DOCK9: variants seen among roughly 807,000 people sequenced by gnomAD.
DOCK9 encodes dedicator of cytokinesis 9.
Under a neutral mutation model 263.3 loss-of-function variants are expected in DOCK9, and 89 were observed. The observed-to-expected ratio is 0.34, with a 90% CI of 0.28 to 0.40. DOCK9 has a LOEUF of 0.40. Ranked by LOEUF, DOCK9 falls within the 10% of genes least tolerant of loss-of-function variation. The pLI, the probability that DOCK9 is intolerant of heterozygous loss-of-function variation, is 1.00. For missense variants in DOCK9, 2,140 were observed against 2,603.4 expected (o/e 0.82, Z 3.87); for synonymous variants, 976 against 973.1 (o/e 1.00, Z -0.06).
chr13:99,022,745 C>G (rs183561661), intron 1 of DOCK9, among the ~76,000 whole-genome samples: 1 of 152,160 alleles, frequency 6.6e-6, no homozygotes, highest in African/African-American at 2.4e-5. Flanking sequence ...GAGTTCAAGA[C>G]CAGCCTGAGC....
chr13:99,072,054 T>C (rs974099954), intron 1 of DOCK9, among the ~76,000 whole-genome samples: 2 of 152,250 alleles, frequency 1.3e-5, no homozygotes, highest in African/African-American at 2.4e-5. Context: ...TTTTTTGCTA[T>C]ATCCACAATC....
intron 41 of DOCK9, among the ~76,000 whole-genome samples, chr13:98,831,056 T>C (rs952738593): frequency 6.6e-6 from 1 of 152,230 alleles, no homozygotes; most frequent in Non-Finnish European, 1.5e-5. Flanking sequence ...AAATGTTTAC[T>C]ATTAAGCATC....
chr13:98,952,289 G>A (rs2057527041), intron 2 of DOCK9, among the ~76,000 whole-genome samples: 1 of 151,982 alleles, frequency 6.6e-6, no homozygotes, highest in Non-Finnish European at 1.5e-5. Context: ...AGGCTGGAAT[G>A]CAGTGGCACG....
chr13:98,971,846 A>G (rs1253044677), intron 1 of DOCK9, among the ~76,000 whole-genome samples: 2 of 152,208 alleles, frequency 1.3e-5, no homozygotes, highest in African/African-American at 4.8e-5. Context: ...CGGCAGCTCT[A>G]TTTCATTCAT....
intron 2 of DOCK9, among the ~76,000 whole-genome samples, chr13:98,938,626 A>C (rs1595486405): frequency 6.6e-6 from 1 of 152,354 alleles, no homozygotes; most frequent in East Asian, 1.9e-4. Flanking sequence ...GGGAAGATTC[A>C]CTATGTAGAT....
chr13:99,084,585 C>T (rs1385951901), intron 1 of DOCK9, among the ~76,000 whole-genome samples: 1 of 152,196 alleles, frequency 6.6e-6, no homozygotes, highest in Non-Finnish European at 1.5e-5. Flanking sequence ...GGCCATCCTC[C>T]GATGGGAAGG....
Position 98,996,764 on chromosome 13 carries a change from G to A in DOCK9, c.130-41213C>T, listed in dbSNP as rs188158913. Among the ~76,000 whole-genome samples, 11 of 152,294 alleles carry A rather than the reference G, an allele frequency of 7.2e-5. No homozygotes were observed. In the East Asian group the frequency reaches 2.1e-3, roughly 29 times the overall value. On this transcript the variant is annotated intron_variant, in intron 1 of 32. Coordinates refer to the DOCK9 transcript ENST00000427887. ...GGACAATTCTTCTTCTTCCAGTGTG[G>A]CCCAGGGAAGCCAAAAGATTGGGCA...
rs767796130 is a variant in DOCK9 at position 98,845,904 on chromosome 13, T to C, written c.4198+20A>G. 2 of 1,611,962 alleles carry C rather than the reference T, an allele frequency of 1.2e-6. No homozygotes were observed. The highest frequency in any genetic ancestry group is 1.1e-5 in the South Asian group (1 of 90,490). ...CACATGAGATGGCTGGCTGTTACGA[T>C]GGCATGTCATGGGACTTACTGTGGT... On this transcript the variant is annotated intron_variant, in intron 38 of 52. Coordinates refer to ENST00000682017, the MANE Select transcript of DOCK9 (RefSeq NM_001366683.2).
Position 98,829,298 on chromosome 13 carries a change from G to T in DOCK9, c.4965+9C>A. ...AAAAACCCATTCAAGCGGCTGGCAGGGCTACTACCTCTGAGAGATCGCCAT... is the reference window on the plus strand; with the variant it reads ...AAAAACCCATTCAAGCGGCTGGCAGTGCTACTACCTCTGAGAGATCGCCAT... On this transcript the variant is annotated intron_variant, in intron 43 of 52. Coordinates refer to ENST00000682017, the MANE Select transcript of DOCK9 (RefSeq NM_001366683.2). The surrounding 1 kb of genome is among the most constrained non-coding windows in gnomAD (Gnocchi z 4.1). 1 of 1,608,408 alleles carries T rather than the reference G, an allele frequency of 6.2e-7. No homozygotes were observed. Among genetic ancestry groups the T allele is most frequent in the Non-Finnish European group, 8.5e-7 (1 of 1,177,416 alleles).
chr13:98,847,150 C>T (rs2093417763), intron 37 of DOCK9: 1 of 158,086 alleles, frequency 6.3e-6, no homozygotes, highest in Admixed American at 5.9e-5. Context: ...TCTTCAGCTT[C>T]TCACATTCAC....
intron 49 of DOCK9, among the ~76,000 whole-genome samples, 159 bp downstream of exon 49, chr13:98,804,840 T>A (rs538842602): frequency 6.6e-6 from 1 of 152,296 alleles, no homozygotes; most frequent in Non-Finnish European, 1.5e-5. Context: ...ATCCCAAGTA[T>A]TCAAAAGGAA....
chr13:98,862,983 G>T, intron 32 of DOCK9, 36 bp downstream of exon 32: 1 of 1,551,932 alleles, frequency 6.4e-7, no homozygotes, highest in Non-Finnish European at 8.8e-7. Context: ...CCCGGGACCT[G>T]ATATAGGCTG....
chr13:98,808,972 T>G, intron 47 of DOCK9: 3 of 1,078,054 alleles, frequency 2.8e-6, no homozygotes, highest in Non-Finnish European at 3.9e-6. Flanking sequence ...AGAAAACAGG[T>G]GATTTATTTC....
At chr13:98,889,756 T>C (rs968683879) in intron 15 of DOCK9, among the ~76,000 whole-genome samples, 2 of 152,186 alleles carry the variant, frequency 1.3e-5, no homozygotes, top group Non-Finnish European at 2.9e-5. Context: ...CTCAGCACTT[T>C]TGCACCTGCC....
intron 1 of DOCK9, among the ~76,000 whole-genome samples, chr13:98,969,624 A>C (rs2141302099): frequency 6.6e-6 from 1 of 152,318 alleles, no homozygotes; most frequent in Non-Finnish European, 1.5e-5. Context: ...TGGAACAACG[A>C]CGCCATGATG....
At chr13:98,917,470 T>G (rs573785181) in intron 7 of DOCK9, among the ~76,000 whole-genome samples, 1 of 152,184 alleles carries the variant, frequency 6.6e-6, no homozygotes, top group African/African-American at 2.4e-5. Context: ...TCAATGAACA[T>G]ACTCTGATAT....
At chr13:99,004,767 T>C (rs1453007402) in intron 1 of DOCK9, among the ~76,000 whole-genome samples, 2 of 145,608 alleles carry the variant, frequency 1.4e-5, no homozygotes, top group Non-Finnish European at 1.5e-5. Context: ...TAGTACTGCA[T>C]TGACCAAAAA....
intron 1 of DOCK9, among the ~76,000 whole-genome samples, chr13:98,969,463 G>A (rs201661908): frequency 7.4e-5 from 11 of 149,012 alleles, no homozygotes; most frequent in Admixed American, 1.3e-4. Context: ...GCGGGAGAAA[G>A]AAAAAAAAAA....
intron 23 of DOCK9, among the ~76,000 whole-genome samples, chr13:98,882,217 A>G (rs1270901885): frequency 6.6e-6 from 1 of 152,056 alleles, no homozygotes; most frequent in Non-Finnish European, 1.5e-5. Context: ...GCTGCTAGTC[A>G]GGCCTTATGA....
Sources: allele counts gnomAD v4.1 joint callset (sites outside exome capture counted in the v4.1 genomes callset), GRCh38; gene constraint gnomAD v4.1.1; non-coding constraint Gnocchi (gnomAD v3.1); transcripts MANE v1.5; gene names NCBI Gene and HGNC (gene_info 2026-07-23, HGNC 2026-07-21).